PRR16: variants seen among roughly 807,000 people sequenced by gnomAD.
The protein encoded by PRR16 is protein Largen.
A neutral mutation model predicts 18.2 loss-of-function variants in PRR16; 6 were observed. That is an observed-to-expected ratio of 0.33 (90% CI 0.18 to 0.65). The LOEUF (loss-of-function observed/expected upper bound fraction) is 0.65, where lower values mean the gene tolerates loss of function less well. PRR16 is among the 30% of genes least tolerant of loss of function. The pLI, the probability that PRR16 is intolerant of heterozygous loss-of-function variation, is 0.74. For synonymous variants in PRR16, 151 were observed against 147.8 expected (o/e 1.02, Z -0.16); for missense variants, 412 against 376.6 (o/e 1.09, Z -0.78).
chr5:120,656,059 G>T (rs1755964670), intron 1 of PRR16, among the ~76,000 whole-genome samples: 1 of 151,750 alleles, frequency 6.6e-6, no homozygotes, highest in South Asian at 2.1e-4. Flanking sequence ...CTTGGATTTG[G>T]AGTACACAGT....
At chr5:120,713,741 T>C in the PRR16 span, among the ~76,000 whole-genome samples, 5 of 152,172 alleles carry the variant, frequency 3.3e-5, no homozygotes, top group African/African-American at 1.2e-4. Flanking sequence ...TCTTTTTATA[T>C]GATAATTTTA....
chr5:120,618,419 G>C, intron 1 of PRR16: 1 of 928,736 alleles, frequency 1.1e-6, no homozygotes, highest in Non-Finnish European at 1.3e-6. Flanking sequence ...TGAGATTATA[G>C]TAATTATACT....
At chr5:120,574,777 G>A (rs577341341) in intron 1 of PRR16, among the ~76,000 whole-genome samples, 1 of 149,040 alleles carries the variant, frequency 6.7e-6, no homozygotes, top group Non-Finnish European at 1.5e-5. Flanking sequence ...GCAGCAACAA[G>A]AACTCTCATA....
At chr5:120,716,127 C>G in the PRR16 span, among the ~76,000 whole-genome samples, 1 of 152,154 alleles carries the variant, frequency 6.6e-6, no homozygotes, top group Non-Finnish European at 1.5e-5. Flanking sequence ...AATGTTCTCA[C>G]TAAATCATTT....
At chr5:120,780,677 C>G in the PRR16 span, among the ~76,000 whole-genome samples, 1 of 152,200 alleles carries the variant, frequency 6.6e-6, no homozygotes, top group Admixed American at 6.5e-5. Context: ...TTTTACAATA[C>G]ACATATCGAA....
chr5:120,760,544 T>C, the PRR16 span, among the ~76,000 whole-genome samples: 1 of 152,126 alleles, frequency 6.6e-6, no homozygotes, highest in South Asian at 2.1e-4. Flanking sequence ...ATCTTTAAGG[T>C]ACTACAGGAC....
At chr5:120,532,094 T>G (rs1379732526) in intron 1 of PRR16, among the ~76,000 whole-genome samples, 3 of 152,124 alleles carry the variant, frequency 2.0e-5, no homozygotes, top group South Asian at 2.1e-4. Context: ...AAAATAAAAT[T>G]TATATGATGA....
At chr5:120,779,683 A>G in the PRR16 span, among the ~76,000 whole-genome samples, 1 of 152,314 alleles carries the variant, frequency 6.6e-6, no homozygotes, top group Non-Finnish European at 1.5e-5. Context: ...ATTAAATATT[A>G]GAGGGTATTT....
rs1318095760 is a variant in PRR16 at position 120,530,242 on chromosome 5, GAA to G, written c.159+65598_159+65599del. 5.5e-5 allele frequency among the ~76,000 whole-genome samples: 6 copies of G among 110,038 alleles called. No individual in the cohort carries two copies. In the South Asian group the frequency reaches 1.5e-3, roughly 27 times the overall value. The allele number at this position is 110,038 out of a possible 152,430, so 72.2% of individuals were successfully genotyped here. A position where few individuals can be genotyped will look rare whatever the true frequency, so the allele number is the denominator to read the frequency against. ...AGCAAAGAATTGTGCTGTTTTACCT[GAA>G]GTGTGTGTAAATATATATATATATA... is the stretch of plus-strand genomic sequence containing the variant. On this transcript the variant is annotated intron_variant, in intron 1 of 1. Transcript: ENST00000407149.
chr5:120,695,413 C>G, the PRR16 span, among the ~76,000 whole-genome samples: 1 of 152,146 alleles, frequency 6.6e-6, no homozygotes, highest in Non-Finnish European at 1.5e-5. Flanking sequence ...CAATCTCTCT[C>G]ATTTTTTTAA....
intron 1 of PRR16, among the ~76,000 whole-genome samples, chr5:120,570,545 C>G (rs1053631103): frequency 1.1e-4 from 17 of 152,008 alleles, no homozygotes; most frequent in African/African-American, 3.9e-4. Context: ...CAGGATAATG[C>G]TAGGTGTATG....
At chr5:120,666,366 A>G (rs1200808836) in intron 1 of PRR16, among the ~76,000 whole-genome samples, 26 of 141,228 alleles carry the variant, frequency 1.8e-4, no homozygotes, top group East Asian at 1.6e-3. Flanking sequence ...GGGCTGAGAC[A>G]ATGGGGTTTT....
downstream of PRR16, among the ~76,000 whole-genome samples, chr5:120,690,161 T>C (rs1757192268): frequency 6.6e-6 from 1 of 152,182 alleles, no homozygotes; most frequent in Non-Finnish European, 1.5e-5. Context: ...TGATATGGCT[T>C]TCTGTGGACA....
the PRR16 span, among the ~76,000 whole-genome samples, chr5:120,743,330 TTTGA>T: frequency 7.4e-4 from 113 of 152,270 alleles, no homozygotes; most frequent in African/African-American, 2.5e-3. Flanking sequence ...GAAGCTTTTG[TTTGA>T]TTGTTTTTTT....
At chr5:120,569,164 C>T (rs1164128730) in intron 1 of PRR16, among the ~76,000 whole-genome samples, 1 of 151,998 alleles carries the variant, frequency 6.6e-6, no homozygotes, top group Non-Finnish European at 1.5e-5. Flanking sequence ...CCAAGTTTTT[C>T]TGCTGTATAC....
chr5:120,779,677 A>C, the PRR16 span, among the ~76,000 whole-genome samples: 423 of 152,228 alleles, frequency 2.8e-3, 3 homozygotes, highest in Middle Eastern at 0.01. Flanking sequence ...AAAATAATTA[A>C]ATATTAGAGG....
chr5:120,776,553 G>A, the PRR16 span, among the ~76,000 whole-genome samples: 1 of 152,074 alleles, frequency 6.6e-6, no homozygotes, highest in Non-Finnish European at 1.5e-5. Context: ...CTGTTATTAA[G>A]AGCATAGATA....
At chr5:120,542,538 C>A (rs778461003) in intron 1 of PRR16, among the ~76,000 whole-genome samples, 16 of 152,090 alleles carry the variant, frequency 1.1e-4, no homozygotes, top group Admixed American at 3.3e-4. Flanking sequence ...CATTAATGTT[C>A]TTCTATTTCA....
At chr5:120,469,607 G>T (rs1266450050) in intron 1 of PRR16, among the ~76,000 whole-genome samples, 1 of 152,070 alleles carries the variant, frequency 6.6e-6, no homozygotes, top group African/African-American at 2.4e-5. Flanking sequence ...TAGAATTATA[G>T]GTATGAGCCA....
Sources: gnomAD v4.1 joint callset for allele counts (sites outside exome capture counted in the v4.1 genomes callset) on GRCh38, gnomAD v4.1.1 for gene constraint, MANE v1.5 for transcripts, NCBI Gene and HGNC (gene_info 2026-07-23, HGNC 2026-07-21) for gene names.